The following RILPL1 variants were observed in gnomAD, a reference collection of about 807,000 sequenced individuals.
RILPL1 encodes the protein RILP-like protein 1.
Under a neutral mutation model 50.3 loss-of-function variants are expected in RILPL1, and 33 were observed. That is an observed-to-expected ratio of 0.66 (90% CI 0.50 to 0.88). The LOEUF (loss-of-function observed/expected upper bound fraction) is 0.88, where lower values mean the gene tolerates loss of function less well. RILPL1 is among the 40% of genes least tolerant of loss of function. The probability of loss-of-function intolerance (pLI) is 0.00; values close to 1 mark genes in which losing one functional copy is unlikely to be tolerated. For missense variants in RILPL1, 418 were observed against 542.5 expected, an observed-to-expected ratio of 0.77 and a Z score of 2.28; for synonymous variants, 205 against 228.6, an observed-to-expected ratio of 0.90 and a Z score of 0.93.
chr12:123,520,140 T>C, intron 2 of RILPL1, among the ~76,000 whole-genome samples: 1 of 152,220 alleles, frequency 6.6e-6, no homozygotes, highest in East Asian at 1.9e-4. Flanking sequence ...TTGAGCACGA[T>C]GTTCACAGCA....
rs577630279 is a variant in RILPL1, at chr12:123,491,738, G to C, written c.802-5933C>G. On this transcript the variant is annotated intron_variant, in intron 4 of 6. Transcript: ENST00000376874. This position sits in a 1 kb window ranked among gnomAD's most constrained non-coding sequence, Gnocchi z 4.0. ...GAAATCAAAACGTGTGGCTGGGCGC[G>C]GTGGCTCACACCTGTAATCCCAGCA... Among the ~76,000 whole-genome samples the C allele has an allele frequency of 6.6e-5, 10 of 152,296 alleles. No individual in the cohort carries two copies. The South Asian group carries it at 1.2e-3, about 19-fold the overall frequency.
At chr12:123,480,154 G>A (rs1003076997) in intron 6 of RILPL1, among the ~76,000 whole-genome samples, 22 of 147,222 alleles carry the variant, frequency 1.5e-4, no homozygotes, top group Admixed American at 2.0e-4. Flanking sequence ...TAGAAAGGCT[G>A]ATTCTTTTTT....
Position 123,485,551 on chromosome 12 carries a change from G to C in RILPL1, c.974+82C>G. On this transcript the variant is annotated intron_variant, in intron 5 of 6. Transcript: ENST00000376874. The surrounding 1 kb of genome is among the most constrained non-coding windows in gnomAD (Gnocchi z 4.0). ...ACTGATGAAATGCTTGTCTTCCAGG[G>C]GGTAAGAAGGTAACTGTACAGAAAC... is the stretch of plus-strand genomic sequence containing the variant. 7.7e-7 allele frequency: 1 copy of C among 1,298,132 alleles called. No homozygotes were observed. Among genetic ancestry groups the C allele is most frequent in the South Asian group, 1.3e-5 (1 of 75,618 alleles). The allele number at this position is 1,298,132 out of a possible 1,614,324, so 80.4% of individuals were successfully genotyped here. A position where few individuals can be genotyped will look rare whatever the true frequency, so the allele number is the denominator to read the frequency against.
At chr12:123,479,366 G>C (rs1881807244) in intron 6 of RILPL1, among the ~76,000 whole-genome samples, 1 of 152,118 alleles carries the variant, frequency 6.6e-6, no homozygotes, top group East Asian at 1.9e-4. Context: ...AGTTAACAGT[G>C]GGAAGCAGAG....
intron 6 of RILPL1, among the ~76,000 whole-genome samples, chr12:123,477,350 T>C (rs1363929747): frequency 6.9e-4 from 96 of 139,346 alleles, no homozygotes; most frequent in Admixed American, 1.2e-3. Context: ...TTTTTTTTTT[T>C]TTTTTTTTGA....
intron 6 of RILPL1, chr12:123,475,591 C>T: frequency 1.0e-6 from 1 of 992,758 alleles, no homozygotes; most frequent in Non-Finnish European, 1.5e-6. Flanking sequence ...GACAGGTCAG[C>T]CCCAGCAGTA....
rs370114080 is a variant in RILPL1, at chr12:123,533,150, G to C, written c.309+24C>G. On this transcript the variant is annotated intron_variant, in intron 1 of 6. Transcript: ENST00000376874. The surrounding 1 kb of genome is among the most constrained non-coding windows in gnomAD (Gnocchi z 6.2). ...GTCCCCGCGGTCCCACTGCCCGGAC[G>C]GACAGACCGAGGCCGCCGCCCACCT... 388 of 1,510,198 alleles carry C rather than the reference G, an allele frequency of 2.6e-4. 2 individuals carry two copies. In the African/African-American group the frequency reaches 5.0e-3, roughly 20 times the overall value. The allele number at this position is 1,510,198 out of a possible 1,614,324, so 93.5% of individuals were successfully genotyped here.
chr12:123,527,192 G>A (rs1009545964), intron 1 of RILPL1, among the ~76,000 whole-genome samples: 7 of 151,962 alleles, frequency 4.6e-5, no homozygotes, highest in Non-Finnish European at 7.4e-5. Flanking sequence ...TTAGCTGGGC[G>A]TGGTAGTGCA....
At chr12:123,499,282 T>C (rs951717836) in intron 3 of RILPL1, 136 bp downstream of exon 3, 1 of 635,718 alleles carries the variant, frequency 1.6e-6, no homozygotes, top group Non-Finnish European at 2.8e-6. Flanking sequence ...CGCCAAGCCA[T>C]GAGCAGGATC....
chr12:123,511,180 CTGTG>C (rs1316258471), intron 2 of RILPL1, among the ~76,000 whole-genome samples: 4 of 79,762 alleles, frequency 5.0e-5, no homozygotes, highest in South Asian at 4.2e-4. Flanking sequence ...TGTGTGAGGT[CTGTG>C]TGTGTGTGGT....
intron 2 of RILPL1, among the ~76,000 whole-genome samples, chr12:123,517,048 G>A (rs1280032084): frequency 1.3e-5 from 2 of 152,050 alleles, no homozygotes; most frequent in African/African-American, 4.8e-5. Flanking sequence ...AGCCTGCGGG[G>A]CAAAGTGAGA....
intron 2 of RILPL1, among the ~76,000 whole-genome samples, chr12:123,511,126 G>GGC (rs1165727278): frequency 1.4e-4 from 1 of 7,112 alleles, no homozygotes; most frequent in African/African-American, 2.8e-4. Context: ...GGTGTGTGAG[G>GGC]TCTATGTGTG....
chr12:123,483,487 C>A (rs959633998), intron 6 of RILPL1, among the ~76,000 whole-genome samples: 2 of 152,200 alleles, frequency 1.3e-5, no homozygotes, highest in Admixed American at 6.5e-5. Context: ...GAGGTGTTAA[C>A]CCTTTATCTG....
At chr12:123,481,926 A>G (rs1207143967) in intron 6 of RILPL1, among the ~76,000 whole-genome samples, 3 of 149,408 alleles carry the variant, frequency 2.0e-5, no homozygotes, top group Non-Finnish European at 4.5e-5. Flanking sequence ...AGGCTGGAGT[A>G]CAATGGCACA....
At position 123,497,607 on chromosome 12, in the gene RILPL1, A is replaced by G. The variant is rs528540641; in HGVS notation, c.801+937T>C. The stretch of plus-strand genomic sequence containing the variant: ...GGGTTTTACCATGTTGGCCAGGCTG[A>G]TCCTGAACTCCTGACCTCAAGTCAT... On this transcript the variant is annotated intron_variant, in intron 4 of 6. Transcript: ENST00000376874. Among the ~76,000 whole-genome samples the G allele has an allele frequency of 5.9e-5, 9 of 152,106 alleles. No individual in the cohort carries two copies. In the East Asian group the frequency reaches 1.7e-3, roughly 29 times the overall value.
Position 123,533,136 on chromosome 12 carries a change from C to T in RILPL1, c.309+38G>A, listed in dbSNP as rs953993225. Reference sequence around the variant, plus strand: ...GGAAGAGCCCTTGGGTCCCCGCGGTCCCACTGCCCGGACGGACAGACCGAG... The same window carrying T: ...GGAAGAGCCCTTGGGTCCCCGCGGTTCCACTGCCCGGACGGACAGACCGAG... On this transcript the variant is annotated intron_variant, in intron 1 of 6. Transcript: ENST00000376874. The surrounding 1 kb of genome is among the most constrained non-coding windows in gnomAD (Gnocchi z 6.2). 3.3e-6 allele frequency: 5 copies of T among 1,493,406 alleles called. No individual in the cohort carries two copies. The highest frequency in any genetic ancestry group is 2.1e-5 in the Admixed American group (1 of 48,478). The allele number at this position is 1,493,406 out of a possible 1,614,324, so 92.5% of individuals were successfully genotyped here. A position where few individuals can be genotyped will look rare whatever the true frequency, so the allele number is the denominator to read the frequency against.
chr12:123,519,776 G>A (rs1180552481), intron 2 of RILPL1: 1 of 152,258 alleles, frequency 6.6e-6, no homozygotes, highest in African/African-American at 2.4e-5. Context: ...TCTCCACTCA[G>A]GCAGGAGGGC....
Position 123,491,014 on chromosome 12 carries a change from T to C in RILPL1, c.802-5209A>G, listed in dbSNP as rs1246257904. Among the ~76,000 whole-genome samples the C allele has an allele frequency of 6.6e-6, 1 of 152,150 alleles. No homozygotes were observed. Among genetic ancestry groups the C allele is most frequent in the African/African-American group, 2.4e-5 (1 of 41,444 alleles). Reference sequence around the variant, plus strand: ...ATCCGCCTGCCTCAGCCTCCCAAAGTGTTGGGATTACAGGCGTGAGCCACC... The same window carrying C: ...ATCCGCCTGCCTCAGCCTCCCAAAGCGTTGGGATTACAGGCGTGAGCCACC... On this transcript the variant is annotated intron_variant, in intron 4 of 6. Coordinates refer to ENST00000376874, the MANE Select transcript of RILPL1 (RefSeq NM_178314.5). This position sits in a 1 kb window ranked among gnomAD's most constrained non-coding sequence, Gnocchi z 4.0.
chr12:123,493,499 C>T (rs1338358681), intron 4 of RILPL1, among the ~76,000 whole-genome samples: 1 of 152,164 alleles, frequency 6.6e-6, no homozygotes, highest in Non-Finnish European at 1.5e-5. Context: ...GTCTCTGTGT[C>T]TTTTTCTTTT....
Sources: allele counts gnomAD v4.1 joint callset (sites outside exome capture counted in the v4.1 genomes callset), GRCh38; gene constraint gnomAD v4.1.1; non-coding constraint Gnocchi (gnomAD v3.1); transcripts MANE v1.5; gene names NCBI Gene and HGNC (gene_info 2026-07-23, HGNC 2026-07-21).